The following SCAF11 variants were observed in gnomAD, a reference collection of about 807,000 sequenced individuals.
The protein encoded by SCAF11 is protein SCAF11.
SCAF11 carries 47 observed loss-of-function variants against 140.5 expected under a neutral mutation model. That is an observed-to-expected ratio of 0.33 (90% CI 0.26 to 0.43). The LOEUF (loss-of-function observed/expected upper bound fraction) is 0.43, where lower values mean the gene tolerates loss of function less well. Among genes scored for constraint, SCAF11 ranks in the 20% least tolerant of loss-of-function variants. The pLI is 1.00. For missense variants in SCAF11, 1,645 were observed against 1,705.1 expected (o/e 0.96, Z 0.62); for synonymous variants, 557 against 579.4 (o/e 0.96, Z 0.55).
Position 45,927,976 on chromosome 12 carries a change from T to C in SCAF11, c.1725A>G (p.Val575=). The change falls in exon 11 of 15, where the codon GTA becomes GTG. Residue 575 remains valine, a synonymous_variant. Coordinates refer to ENST00000369367, the MANE Select transcript of SCAF11 (RefSeq NM_004719.3). ...SCPLSDLSEN[V]ESVVNEEKIT... Reference sequence around the variant, plus strand: ...TTTTTTCTTCATTAACCACTGACTCTACATTCTCAGATAAGTCACTTAGGG... The same window carrying C: ...TTTTTTCTTCATTAACCACTGACTCCACATTCTCAGATAAGTCACTTAGGG... 1 of 1,613,264 alleles carries C rather than the reference T, an allele frequency of 6.2e-7. No homozygotes were observed. The highest frequency in any genetic ancestry group is 1.1e-5 in the South Asian group (1 of 91,076).
chr12:45,927,560 T>C lies in SCAF11; in HGVS notation c.2141A>G (p.Asn714Ser), dbSNP rs371876850. The change falls in exon 11 of 15, where the codon AAT (asparagine) becomes AGT (serine). Residue 714 changes from asparagine to serine, a missense_variant. By Grantham distance (46) the Asn-to-Ser change is conservative (BLOSUM62 1). This residue lies in a region of SCAF11 where 1,582 missense variants were observed against 1,609.2 expected (regional missense o/e 0.98). Transcript: ENST00000369367. Reference protein sequence around the residue: ...QIQKHFSEDNNEMIPMECDSF... With the variant: ...QIQKHFSEDNSEMIPMECDSF... ...ATCACACTCCATAGGTATCATTTCA[T>C]TGTTGTCCTCACTAAAATGCTTCTG... 6.2e-7 allele frequency: 1 copy of C among 1,613,606 alleles called. No individual in the cohort carries two copies. Among genetic ancestry groups the C allele is most frequent in the African/African-American group, 1.3e-5 (1 of 74,878 alleles).
chr12:45,963,438 T>C lies in SCAF11; in HGVS notation c.61+669A>G, dbSNP rs75627410. On this transcript the variant is annotated intron_variant, in intron 2 of 14. Coordinates refer to ENST00000369367, the MANE Select transcript of SCAF11 (RefSeq NM_004719.3). ...ACAGCAAGGGAAAAAAAATGAGTAA[T>C]ATCTTCAAAGTGCTAAGAGAAAAAA... 4.5e-3 allele frequency among the ~76,000 whole-genome samples: 676 copies of C among 151,842 alleles called. 4 individuals carry two copies. Among genetic ancestry groups the C allele is most frequent in the African/African-American group, 0.014 (590 of 41,288 alleles).
intron 1 of SCAF11, among the ~76,000 whole-genome samples, chr12:45,964,680 G>A (rs184362107): frequency 7.9e-5 from 12 of 151,074 alleles, no homozygotes; most frequent in Non-Finnish European, 1.5e-4. Flanking sequence ...AAAAAAAAAC[G>A]GAAAGGAAAA....
At chr12:45,958,463 G>A (rs1021593926) in intron 3 of SCAF11, among the ~76,000 whole-genome samples, 1 of 152,114 alleles carries the variant, frequency 6.6e-6, no homozygotes, top group Non-Finnish European at 1.5e-5. Context: ...CATTTCATCA[G>A]TTCAAATGTC....
upstream of SCAF11, among the ~76,000 whole-genome samples, chr12:45,990,890 C>T (rs890607240): frequency 5.3e-5 from 8 of 152,362 alleles, no homozygotes; most frequent in Middle Eastern, 6.8e-3. Flanking sequence ...CACCGCCCTT[C>T]GCCCACACTG....
At position 45,945,300 on chromosome 12, in the gene SCAF11, C is replaced by G; in HGVS notation, c.412G>C (p.Val138Leu). The change falls in exon 6 of 15, where the codon GTA becomes CTA. Residue 138 changes from valine to leucine, a missense_variant. By Grantham distance (32) the Val-to-Leu change is conservative. Around this residue, in one of 2 missense-constraint regions of SCAF11, gnomAD observed 1,582 missense variants for 1,609.2 expected, o/e 0.98. Transcript: ENST00000369367. The part of the protein sequence containing the change: ...SKSCIRRKAI[V>L]REDLLSAKVC... ...TTTGCACTTAATAGATCTTCTCTTA[C>G]GATGGCTTTTCTTCTGTAAACATCA... 5.1e-6 allele frequency: 8 copies of G among 1,568,812 alleles called. No individual in the cohort carries two copies. The highest frequency in any genetic ancestry group is 6.9e-6 in the Non-Finnish European group (8 of 1,154,346).
chr12:45,976,385 CTAT>C (rs1484433635), intron 1 of SCAF11, among the ~76,000 whole-genome samples: 1 of 152,014 alleles, frequency 6.6e-6, no homozygotes, highest in Non-Finnish European at 1.5e-5. Context: ...TATAATTGTT[CTAT>C]TATTTGTTAT....
chr12:45,933,234 TA>T lies in SCAF11; in HGVS notation c.633-3del. 6.3e-7 allele frequency: 1 copy of T among 1,598,290 alleles called. No individual in the cohort carries two copies. ...TCACTGGCTTCTATAAATTCTGTAC[TA>T]AAAGATAAATTTTAGACCTTCATCA... On this transcript the variant is annotated splice_region_variant and splice_polypyrimidine_tract_variant and intron_variant, in intron 8 of 14. Coordinates refer to ENST00000369367, the MANE Select transcript of SCAF11 (RefSeq NM_004719.3).
intron 1 of SCAF11, among the ~76,000 whole-genome samples, chr12:45,983,189 T>C (rs551334245): frequency 6.6e-6 from 1 of 152,294 alleles, no homozygotes; most frequent in Admixed American, 6.5e-5. Flanking sequence ...TTATAAGATG[T>C]TTAAATTGGG....
chr12:45,937,195 A>G (rs1945191415), intron 6 of SCAF11, among the ~76,000 whole-genome samples: 1 of 151,998 alleles, frequency 6.6e-6, no homozygotes, highest in Admixed American at 6.6e-5. Flanking sequence ...TCGATATTGA[A>G]TCTCTTAAAT....
intron 1 of SCAF11, among the ~76,000 whole-genome samples, chr12:45,972,935 T>TAG (rs1946129203): frequency 3.8e-5 from 2 of 53,274 alleles, no homozygotes; most frequent in African/African-American, 1.8e-4. Flanking sequence ...TATAGATATA[T>TAG]ATAGATATAT....
chr12:45,950,309 C>T (rs894934502), intron 4 of SCAF11, among the ~76,000 whole-genome samples: 1 of 151,850 alleles, frequency 6.6e-6, no homozygotes, highest in Non-Finnish European at 1.5e-5. Context: ...AGTGAAGATT[C>T]GAAAGAAGTA....
chr12:45,990,660 G>T (rs1946581315), upstream of SCAF11: 3 of 1,100,448 alleles, frequency 2.7e-6, no homozygotes, highest in South Asian at 4.7e-5. Flanking sequence ...CTGTCGGCGC[G>T]CTAAGGTGAC....
intron 12 of SCAF11, among the ~76,000 whole-genome samples, chr12:45,923,642 A>G (rs555896086): frequency 1.3e-5 from 2 of 152,090 alleles, no homozygotes; most frequent in South Asian, 2.1e-4. Context: ...CTTCAACTCT[A>G]TCTTACTGTC....
Position 45,930,655 on chromosome 12 carries a change from T to C in SCAF11, c.841+851A>G, listed in dbSNP as rs566266757. Among the ~76,000 whole-genome samples, 12 of 152,292 alleles carry C rather than the reference T, an allele frequency of 7.9e-5. No individual in the cohort carries two copies. In the East Asian group the frequency reaches 2.3e-3, roughly 29 times the overall value. On this transcript the variant is annotated intron_variant, in intron 10 of 14. Coordinates refer to ENST00000369367, the MANE Select transcript of SCAF11 (RefSeq NM_004719.3). ...TTAATTTTACACAGCTATGATTTAATACTGTATCTTTACAGCTGTTTACAT... is the reference window on the plus strand; with the variant it reads ...TTAATTTTACACAGCTATGATTTAACACTGTATCTTTACAGCTGTTTACAT...
intron 6 of SCAF11, among the ~76,000 whole-genome samples, chr12:45,938,680 C>T (rs773165261): frequency 4.0e-5 from 6 of 151,616 alleles, no homozygotes; most frequent in East Asian, 1.9e-4. Flanking sequence ...AACACTAATC[C>T]GAAAGGATGT....
chr12:45,932,068 C>T (rs1945057795), intron 9 of SCAF11, among the ~76,000 whole-genome samples: 1 of 151,946 alleles, frequency 6.6e-6, no homozygotes, highest in Non-Finnish European at 1.5e-5. Context: ...TCTGTGTTAA[C>T]CACCACCCCA....
chr12:45,961,509 T>C, intron 3 of SCAF11, 191 bp downstream of exon 3: 1 of 586,186 alleles, frequency 1.7e-6, no homozygotes, highest in Non-Finnish European at 3.0e-6. Flanking sequence ...AAAATATTAT[T>C]TGCAAAATCA....
At chr12:45,939,211 C>A (rs909410922) in intron 6 of SCAF11, among the ~76,000 whole-genome samples, 1 of 151,552 alleles carries the variant, frequency 6.6e-6, no homozygotes, top group Non-Finnish European at 1.5e-5. Context: ...ATCTATTAGA[C>A]CTGCTGAAGT....
Sources: allele counts gnomAD v4.1 joint callset (sites outside exome capture counted in the v4.1 genomes callset), GRCh38; gene constraint gnomAD v4.1.1; regional missense constraint gnomAD v4.1.1; transcripts MANE v1.5; gene names NCBI Gene and HGNC (gene_info 2026-07-23, HGNC 2026-07-21).